The following ANTXR1 variants were observed in gnomAD, a reference collection of about 807,000 sequenced individuals.
ANTXR1 encodes the protein ANTXR cell adhesion molecule 1, also known as anthrax toxin receptor 1.
In ANTXR1, 19 loss-of-function variants were observed where a neutral mutation model predicts 78.1. That is an observed-to-expected ratio of 0.24 (90% CI 0.17 to 0.36). The LOEUF is 0.36. Ranked by LOEUF, ANTXR1 falls within the 10% of genes least tolerant of loss-of-function variation. The pLI, the probability that ANTXR1 is intolerant of heterozygous loss-of-function variation, is 1.00. For synonymous variants in ANTXR1, 273 were observed against 260.5 expected, an observed-to-expected ratio of 1.05 and a Z score of -0.46; for missense variants, 518 against 718.6, an observed-to-expected ratio of 0.72 and a Z score of 3.19.
intron 10 of ANTXR1, among the ~76,000 whole-genome samples, chr2:69,121,661 T>A (rs1672350141): frequency 6.6e-6 from 1 of 152,238 alleles, no homozygotes; most frequent in African/African-American, 2.4e-5. Flanking sequence ...TATCCTTTAA[T>A]AATATATGTA....
intron 17 of ANTXR1, among the ~76,000 whole-genome samples, chr2:69,233,792 G>A (rs1675684541): frequency 6.6e-6 from 1 of 151,720 alleles, no homozygotes; most frequent in Admixed American, 6.6e-5. Flanking sequence ...ACAAGAAAAT[G>A]TAATAATAAG....
rs187060103 is a variant in ANTXR1, at chr2:69,172,333, G to A, written c.1089+2044G>A. On this transcript the variant is annotated intron_variant, in intron 14 of 17. Transcript: ENST00000303714. ...CGTGTGTGTTGGCCCTGTGAGTTAG[G>A]CCACCTAATCTCCTTCCTAATGTAT... 4.7e-5 allele frequency: 74 copies of A among 1,588,138 alleles called. No individual in the cohort carries two copies. The African/African-American group carries it at 6.3e-4, about 14-fold the overall frequency.
At chr2:69,168,778 G>T (rs1673898837) in intron 13 of ANTXR1, among the ~76,000 whole-genome samples, 1 of 152,232 alleles carries the variant, frequency 6.6e-6, no homozygotes, top group South Asian at 2.1e-4. Flanking sequence ...AGCCAGGGTT[G>T]AGTGGGTGAG....
intron 1 of ANTXR1, among the ~76,000 whole-genome samples, chr2:69,039,188 A>G (rs1206809578): frequency 6.6e-6 from 1 of 152,184 alleles, no homozygotes; most frequent in Non-Finnish European, 1.5e-5. Flanking sequence ...CACAGCTACT[A>G]AAAAGAGTGG....
chr2:69,219,911 C>T (rs550032592), intron 17 of ANTXR1, among the ~76,000 whole-genome samples: 3 of 150,578 alleles, frequency 2.0e-5, no homozygotes, highest in Non-Finnish European at 4.4e-5. Flanking sequence ...TCCATCCTTC[C>T]TGATTTTTTT....
intron 11 of ANTXR1, 38 bp downstream of exon 11, chr2:69,123,124 AAG>A (rs1316371102): frequency 1.2e-6 from 2 of 1,602,680 alleles, no homozygotes; most frequent in Non-Finnish European, 1.7e-6. Context: ...CCAGCCAGGG[AAG>A]AGAGAGAGGA....
At chr2:69,214,367 A>G in intron 17 of ANTXR1, among the ~76,000 whole-genome samples, 1 of 152,296 alleles carries the variant, frequency 6.6e-6, no homozygotes, top group East Asian at 1.9e-4. Flanking sequence ...TGTAAATTTT[A>G]TTCATTGAGA....
At chr2:69,200,458 C>T (rs1674747136) in intron 17 of ANTXR1, among the ~76,000 whole-genome samples, 1 of 152,254 alleles carries the variant, frequency 6.6e-6, no homozygotes, top group African/African-American at 2.4e-5. Context: ...AGGTTATCCT[C>T]TGCCCAGTCC....
chr2:69,227,311 A>C (rs1375948165), intron 17 of ANTXR1, among the ~76,000 whole-genome samples: 1 of 152,176 alleles, frequency 6.6e-6, no homozygotes, highest in African/African-American at 2.4e-5. Context: ...TCCAGGAAAC[A>C]GTCCAGAGGC....
intron 17 of ANTXR1, among the ~76,000 whole-genome samples, chr2:69,201,857 A>G (rs1309217095): frequency 6.6e-6 from 1 of 152,158 alleles, no homozygotes; most frequent in Non-Finnish European, 1.5e-5. Flanking sequence ...ACATCCAAAC[A>G]AAAAGGACCT....
chr2:69,171,202 A>T (rs1232443247), intron 14 of ANTXR1, among the ~76,000 whole-genome samples: 1 of 152,248 alleles, frequency 6.6e-6, no homozygotes, highest in Non-Finnish European at 1.5e-5. Context: ...ATACAGAAAG[A>T]GTAATGATTA....
At chr2:69,159,088 G>A (rs1432261565) in intron 13 of ANTXR1, among the ~76,000 whole-genome samples, 3 of 152,102 alleles carry the variant, frequency 2.0e-5, no homozygotes, top group African/African-American at 4.8e-5. Flanking sequence ...TGTGTCATGG[G>A]GGTTTGTATT....
chr2:69,186,458 T>C (rs780170085), intron 16 of ANTXR1, among the ~76,000 whole-genome samples: 6 of 152,236 alleles, frequency 3.9e-5, no homozygotes, highest in Non-Finnish European at 7.3e-5. Context: ...CCATAAACTC[T>C]GCTTCCCTTT....
chr2:69,034,157 C>G (rs1671608550), intron 1 of ANTXR1, among the ~76,000 whole-genome samples: 1 of 152,170 alleles, frequency 6.6e-6, no homozygotes, highest in Non-Finnish European at 1.5e-5. Flanking sequence ...TTATCATGTT[C>G]CAAACACAAG....
At chr2:69,106,380 G>T (rs1035920753) in intron 10 of ANTXR1, among the ~76,000 whole-genome samples, 6 of 152,158 alleles carry the variant, frequency 3.9e-5, no homozygotes, top group Admixed American at 2.0e-4. Flanking sequence ...GGAAAGAAGT[G>T]GGAATCTCCA....
At chr2:69,154,598 T>C (rs536182018) in intron 13 of ANTXR1, among the ~76,000 whole-genome samples, 9 of 152,306 alleles carry the variant, frequency 5.9e-5, no homozygotes, top group Non-Finnish European at 1.0e-4. Context: ...GAGGGCATTC[T>C]TGTAAACAAT....
intron 13 of ANTXR1, among the ~76,000 whole-genome samples, chr2:69,169,844 C>T (rs1277313723): frequency 2.0e-5 from 3 of 152,264 alleles, no homozygotes; most frequent in Admixed American, 2.0e-4. Flanking sequence ...ACCATGTTAA[C>T]TTCCATTGTG....
At chr2:69,233,373 T>C (rs1170021099) in intron 17 of ANTXR1, among the ~76,000 whole-genome samples, 2 of 151,798 alleles carry the variant, frequency 1.3e-5, no homozygotes, top group Non-Finnish European at 2.9e-5. Context: ...CAAAGAGAAT[T>C]AATTTCAGAA....
intron 10 of ANTXR1, chr2:69,103,515 G>A (rs1671701245): frequency 6.1e-6 from 1 of 165,116 alleles, no homozygotes; most frequent in African/African-American, 2.4e-5. Context: ...TCTCATCGTG[G>A]TGAATATCTT....
Sources: gnomAD v4.1 joint callset for allele counts (sites outside exome capture counted in the v4.1 genomes callset) on GRCh38, gnomAD v4.1.1 for gene constraint, MANE v1.5 for transcripts, NCBI Gene and HGNC (gene_info 2026-07-23, HGNC 2026-07-21) for gene names.